Variants in ANKRD30A observed in about 807,000 individuals in gnomAD.
ANKRD30A encodes ankyrin repeat domain 30A.
A neutral mutation model predicts 166.3 loss-of-function variants in ANKRD30A; 170 were observed. The observed-to-expected ratio is 1.02, with a 90% CI of 0.90 to 1.16. The LOEUF is 1.16. Ranked by LOEUF, ANKRD30A falls within the 50% of genes most tolerant of loss-of-function variation. The probability of loss-of-function intolerance (pLI) is 0.00; values close to 1 mark genes in which losing one functional copy is unlikely to be tolerated. For synonymous variants in ANKRD30A, 564 were observed against 508.9 expected (o/e 1.11, Z -1.46); for missense variants, 1,630 against 1,518.0 (o/e 1.07, Z -1.23).
chr10:37,239,744 T>C, the ANKRD30A span, among the ~76,000 whole-genome samples: 1 of 152,116 alleles, frequency 6.6e-6, no homozygotes, highest in African/African-American at 2.4e-5. Flanking sequence ...ACGTGTATAG[T>C]CTCTATTATC....
chr10:37,245,657 T>G, the ANKRD30A span, among the ~76,000 whole-genome samples: 1 of 152,034 alleles, frequency 6.6e-6, no homozygotes, highest in East Asian at 1.9e-4. Context: ...ATGGCTTCTG[T>G]GGGTTAGAAG....
At chr10:37,201,916 A>G (rs1402741081) in intron 31 of ANKRD30A, among the ~76,000 whole-genome samples, 1 of 152,112 alleles carries the variant, frequency 6.6e-6, no homozygotes, top group Non-Finnish European at 1.5e-5. Flanking sequence ...ATAATTTGTC[A>G]TATACACTCC....
chr10:37,162,659 G>T lies in ANKRD30A; in HGVS notation c.1911G>T (p.Gly637=). The change falls in exon 16 of 36, where the codon GGG becomes GGT. Residue 637 remains glycine (G), a synonymous_variant. Transcript: ENST00000361713. ...DMQTFKAEPP[G]KPSAFEPATE... Reference sequence around the variant, plus strand: ...TCTTTTGCTTTTTAGAGCCTCCGGGGAAGCCATCTGCCTTCGAGGTATTTA... The same window carrying T: ...TCTTTTGCTTTTTAGAGCCTCCGGGTAAGCCATCTGCCTTCGAGGTATTTA... The T allele has an allele frequency of 6.2e-7, 1 of 1,612,292 alleles. No homozygotes were observed.
the ANKRD30A span, among the ~76,000 whole-genome samples, chr10:37,260,135 CA>C: frequency 1.5e-3 from 222 of 143,556 alleles, 1 homozygote; most frequent in African/African-American, 5.2e-3. Flanking sequence ...ATAAAAAGGA[CA>C]AAAAAAAAAG....
In ANKRD30A at chr10:37,152,127, A is replaced by G. The variant is rs770335333; in HGVS notation, c.1707+6A>G. ...AAAATTCTTGGGATTCTGAGGTACT[A>G]TGTGTTATTGATTTTTTTTTAATAT... On this transcript the variant is annotated splice_donor_region_variant and intron_variant, in intron 12 of 35. Coordinates refer to ENST00000361713, the MANE Select transcript of ANKRD30A (RefSeq NM_052997.3). The G allele has an allele frequency of 1.0e-4, 163 of 1,598,612 alleles. No individual in the cohort carries two copies. The highest frequency in any genetic ancestry group is 1.4e-4 in the Non-Finnish European group (159 of 1,168,484).
the ANKRD30A span, chr10:37,241,809 T>G: frequency 6.6e-6 from 1 of 152,186 alleles, no homozygotes; most frequent in Admixed American, 6.5e-5. Context: ...TGTTACTTAC[T>G]TATTTATTTT....
chr10:37,251,348 T>C, the ANKRD30A span, among the ~76,000 whole-genome samples: 1 of 152,158 alleles, frequency 6.6e-6, no homozygotes, highest in Non-Finnish European at 1.5e-5. Flanking sequence ...GAAGAATTTA[T>C]TCTCCTCCCT....
chr10:37,162,847 A>C lies in ANKRD30A; in HGVS notation c.2001A>C (p.Ala667=). ...TGAAAAATGAACAAACATTGAGAGC[A>C]GGTAAATTTTTCAATGTAACTATGG... ...LELKNEQTLR[A]DEILPSESKQ... is the part of the protein sequence containing the mutation. The change falls in exon 17 of 36, where the codon GCA becomes GCC. Residue 667 remains alanine, a splice_region_variant and synonymous_variant. Transcript: ENST00000361713. The C allele has an allele frequency of 1.2e-6, 2 of 1,613,192 alleles. No homozygotes were observed. The highest frequency in any genetic ancestry group is 1.1e-5 in the South Asian group (1 of 91,020).
At chr10:37,153,316 A>T (rs181751120) in intron 12 of ANKRD30A, among the ~76,000 whole-genome samples, 1 of 151,126 alleles carries the variant, frequency 6.6e-6, no homozygotes, top group Non-Finnish European at 1.5e-5. Flanking sequence ...GAATTTTTTT[A>T]TCAAGGTGAT....
chr10:37,192,866 G>A (rs1406480603), intron 25 of ANKRD30A, among the ~76,000 whole-genome samples, 198 bp from the exon 26 acceptor site: 1 of 151,920 alleles, frequency 6.6e-6, no homozygotes, highest in Non-Finnish European at 1.5e-5. Flanking sequence ...ATGAAATCTA[G>A]TTTTCAAATT....
At position 37,130,216 on chromosome 10, in the gene ANKRD30A, C is replaced by T. The variant is rs781356359; in HGVS notation, c.348C>T (p.Cys116=). ...TTTAATACTGACAGGCTCTACAATG[C>T]CATCAGGAGGCTTGTGCAAATATTC... ...HRTPLMKALQ[C]HQEACANILI... Residue 116 remains cysteine (C), a synonymous_variant, in exon 3 of 36, where the codon TGC becomes TGT. Transcript: ENST00000361713. The T allele has an allele frequency of 3.8e-6, 6 of 1,589,172 alleles. No homozygotes were observed. Among genetic ancestry groups the T allele is most frequent in the Non-Finnish European group, 5.1e-6 (6 of 1,169,370 alleles).
chr10:37,161,395 T>C (rs1838854469), intron 15 of ANKRD30A, among the ~76,000 whole-genome samples: 1 of 152,170 alleles, frequency 6.6e-6, no homozygotes, highest in Non-Finnish European at 1.5e-5. Flanking sequence ...AACAAATAAA[T>C]TTGAAACAGT....
rs1209750 is a variant in ANKRD30A, at chr10:37,199,761, G to C, written c.2751G>C (p.Lys917Asn). The C allele has an allele frequency of 0.55, 852,130 of 1,559,766 alleles. 239,377 individuals carry two copies. The highest frequency in any genetic ancestry group is 0.64 in the African/African-American group (46,559 of 73,042). The change falls in exon 30 of 36, where the codon AAG (lysine) becomes AAC (asparagine). Residue 917 changes from lysine to asparagine, a missense_variant. By Grantham distance (94) the Lys-to-Asn change is moderately conservative (BLOSUM62 0). Transcript: ENST00000361713. Reference protein sequence around the residue: ...QMFPSESKQKKVEENSWDSES... With the variant: ...QMFPSESKQKNVEENSWDSES... ...TCCCTTCAGAATCAAAACAAAAGAA[G>C]GTTGAAGAAAATTCTTGGGATTCTG...
At chr10:37,153,713 C>T (rs1056136221) in intron 13 of ANKRD30A, 51 bp downstream of exon 13, 23 of 1,603,704 alleles carry the variant, frequency 1.4e-5, no homozygotes, top group East Asian at 2.2e-5. Context: ...TTTCTCTAAA[C>T]TGATGAGGAG....
chr10:37,184,171 A>G (rs1242946731), intron 24 of ANKRD30A, among the ~76,000 whole-genome samples: 2 of 146,012 alleles, frequency 1.4e-5, no homozygotes, highest in Admixed American at 1.4e-4. Context: ...AATGCATTAT[A>G]TTGCTTTTAT....
chr10:37,216,388 G>C lies in ANKRD30A; in HGVS notation c.3077G>C (p.Ser1026Thr). 6.3e-7 allele frequency: 1 copy of C among 1,588,408 alleles called. No homozygotes were observed. The highest frequency in any genetic ancestry group is 8.5e-7 in the Non-Finnish European group (1 of 1,169,864). The change falls in exon 32 of 36, where the codon AGT (serine) becomes ACT (threonine). Residue 1026 changes from serine to threonine, a missense_variant. Ser to Thr is a moderately conservative substitution (Grantham distance 58). Coordinates refer to ENST00000361713, the MANE Select transcript of ANKRD30A (RefSeq NM_052997.3). ...GTTAAATGGGAACAAGAGCTCTGCA[G>C]TGTGAGGTGTGATTTCCTAGTTTTA... ...QKVKWEQELC[S>T]VRLTLNQEEE...
At chr10:37,259,921 C>T in the ANKRD30A span, among the ~76,000 whole-genome samples, 26 of 152,058 alleles carry the variant, frequency 1.7e-4, no homozygotes, top group Non-Finnish European at 2.9e-4. Flanking sequence ...TGTGGAAATT[C>T]ATTGAGCTGT....
chr10:37,210,224 G>T (rs988331306), intron 31 of ANKRD30A, among the ~76,000 whole-genome samples: 4 of 151,964 alleles, frequency 2.6e-5, no homozygotes, highest in African/African-American at 9.7e-5. Flanking sequence ...TTGGTTTTCT[G>T]TTCTTGTGCT....
At chr10:37,201,024 T>C (rs1427335763) in intron 30 of ANKRD30A, among the ~76,000 whole-genome samples, 2 of 152,062 alleles carry the variant, frequency 1.3e-5, no homozygotes, top group Non-Finnish European at 2.9e-5. Flanking sequence ...ACCGAGTTAA[T>C]GGCCACATGG....
Sources: gnomAD v4.1 joint callset for allele counts (sites outside exome capture counted in the v4.1 genomes callset) on GRCh38, gnomAD v4.1.1 for gene constraint, MANE v1.5 for transcripts, NCBI Gene and HGNC (gene_info 2026-07-23, HGNC 2026-07-21) for gene names.